ALK: variants seen among roughly 807,000 people sequenced by gnomAD.
ALK encodes ALK receptor tyrosine kinase.
A neutral mutation model predicts 163.1 loss-of-function variants in ALK; 74 were observed. The ratio of observed to expected loss-of-function variants is 0.45; its 90% CI spans 0.38 to 0.55. ALK has a LOEUF of 0.55. ALK is among the 20% of genes least tolerant of loss of function. ALK has a pLI of 0.00. For missense variants in ALK, 2,063 were observed against 2,105.3 expected, an observed-to-expected ratio of 0.98 and a Z score of 0.39; for synonymous variants, 960 against 843.2, an observed-to-expected ratio of 1.14 and a Z score of -2.40.
intron 2 of ALK, among the ~76,000 whole-genome samples, chr2:29,699,720 G>T (rs1573565905): frequency 6.6e-6 from 1 of 152,196 alleles, no homozygotes. Context: ...TAACCCAAGA[G>T]AATCTGACCA....
chr2:29,767,091 T>A (rs1207354939), intron 1 of ALK, among the ~76,000 whole-genome samples: 1 of 152,194 alleles, frequency 6.6e-6, no homozygotes, highest in African/African-American at 2.4e-5. Flanking sequence ...CCACAGCTAT[T>A]TATAACTTTT....
At chr2:29,394,162 A>T (rs913335108) in intron 4 of ALK, among the ~76,000 whole-genome samples, 1 of 152,146 alleles carries the variant, frequency 6.6e-6, no homozygotes, top group Admixed American at 6.5e-5. Flanking sequence ...AATAAAATAT[A>T]TAAGGATCTA....
chr2:29,648,326 A>G (rs879268489), intron 3 of ALK, among the ~76,000 whole-genome samples: 33 of 152,196 alleles, frequency 2.2e-4, no homozygotes, highest in African/African-American at 7.5e-4. Context: ...TTCTTTTTTT[A>G]AAAAATTGTG....
intron 1 of ALK, among the ~76,000 whole-genome samples, chr2:29,899,014 C>T (rs1244701017): frequency 1.3e-5 from 2 of 152,108 alleles, no homozygotes; most frequent in South Asian, 4.1e-4. Flanking sequence ...CTTCAGGGGC[C>T]TGGGAGATGA....
chr2:29,501,827 G>A (rs181890129), intron 4 of ALK, among the ~76,000 whole-genome samples: 16 of 152,190 alleles, frequency 1.1e-4, no homozygotes, highest in Admixed American at 6.5e-4. Flanking sequence ...TTGAAACTTC[G>A]TACCAGTTAA....
intron 5 of ALK, among the ~76,000 whole-genome samples, chr2:29,361,954 C>T (rs2148287119): frequency 6.6e-6 from 1 of 152,200 alleles, no homozygotes; most frequent in Middle Eastern, 3.4e-3. Context: ...CCTCATGAGC[C>T]ATAGCAGACC....
At chr2:29,714,101 T>C (rs375152535) in intron 2 of ALK, among the ~76,000 whole-genome samples, 9 of 152,132 alleles carry the variant, frequency 5.9e-5, no homozygotes, top group African/African-American at 1.9e-4. Flanking sequence ...AGTAGGTAGT[T>C]AGAGCCTAAT....
chr2:29,858,925 C>T (rs914506772), intron 1 of ALK, among the ~76,000 whole-genome samples: 30 of 151,808 alleles, frequency 2.0e-4, no homozygotes, highest in African/African-American at 6.5e-4. Flanking sequence ...CCCAGCTACT[C>T]AGGAGGCTGA....
Position 29,659,212 on chromosome 2 carries a change from C to T in ALK, c.952+35638G>A, listed in dbSNP as rs141777041. On this transcript the variant is annotated intron_variant, in intron 3 of 28. Coordinates refer to ENST00000389048, the MANE Select transcript of ALK (RefSeq NM_004304.5). ...TAGGGATCCTCTAAACCCACTCAAA[C>T]AAAAGCATTAGTGACTGATAGGGAG... 2.7e-4 allele frequency among the ~76,000 whole-genome samples: 41 copies of T among 152,284 alleles called. No homozygotes were observed. In the East Asian group the frequency reaches 7.4e-3, roughly 27 times the overall value.
chr2:29,457,332 A>G (rs1670980463), intron 4 of ALK, among the ~76,000 whole-genome samples: 2 of 152,246 alleles, frequency 1.3e-5, no homozygotes, highest in Middle Eastern at 3.4e-3. Context: ...AAATAAGGTG[A>G]AGAAGTAAAC....
chr2:29,591,245 TC>T (rs1449617788), intron 3 of ALK, among the ~76,000 whole-genome samples: 2 of 152,146 alleles, frequency 1.3e-5, no homozygotes, highest in East Asian at 3.9e-4. Context: ...TAAACCAATT[TC>T]ATTTATCAGG....
intron 8 of ALK, among the ~76,000 whole-genome samples, chr2:29,306,636 C>T (rs978734069): frequency 6.6e-6 from 1 of 151,464 alleles, no homozygotes; most frequent in Non-Finnish European, 1.5e-5. Flanking sequence ...ATTGTCCTTA[C>T]CAGACAATTA....
chr2:29,357,133 T>C (rs1668269222), intron 5 of ALK, among the ~76,000 whole-genome samples: 1 of 152,180 alleles, frequency 6.6e-6, no homozygotes, highest in South Asian at 2.1e-4. Context: ...GTTCTCTGTC[T>C]CCAAAATTGG....
intron 4 of ALK, among the ~76,000 whole-genome samples, chr2:29,472,868 G>GA (rs55654282): frequency 0.5 from 76,585 of 151,678 alleles, 20,374 homozygotes; most frequent in South Asian, 0.62. Flanking sequence ...AAGAAGATCT[G>GA]ATAAATGAAA....
At chr2:29,550,841 G>C (rs1673697311) in intron 3 of ALK, among the ~76,000 whole-genome samples, 1 of 152,056 alleles carries the variant, frequency 6.6e-6, no homozygotes, top group Non-Finnish European at 1.5e-5. Flanking sequence ...TTCACCACCT[G>C]CATAGGATTT....
chr2:29,199,287 C>T (rs1406357791), intron 26 of ALK, among the ~76,000 whole-genome samples: 1 of 152,092 alleles, frequency 6.6e-6, no homozygotes, highest in African/African-American at 2.4e-5. Flanking sequence ...TTTAGCATAC[C>T]AAAGAAAGAT....
chr2:29,657,419 C>T (rs998181540), intron 3 of ALK, among the ~76,000 whole-genome samples: 5 of 140,464 alleles, frequency 3.6e-5, no homozygotes, highest in Admixed American at 2.0e-4. Flanking sequence ...CTTGTTAAGA[C>T]TAAAGATGTC....
intron 4 of ALK, among the ~76,000 whole-genome samples, chr2:29,491,280 C>T (rs1204505000): frequency 2.0e-5 from 3 of 152,092 alleles, no homozygotes; most frequent in Non-Finnish European, 2.9e-5. Flanking sequence ...GACAGGTTTC[C>T]GTGGCTGATC....
intron 12 of ALK, among the ~76,000 whole-genome samples, chr2:29,248,406 T>G (rs1256652548): frequency 6.6e-6 from 1 of 152,164 alleles, no homozygotes; most frequent in Non-Finnish European, 1.5e-5. Context: ...GAAGTTGCAG[T>G]GAGCTGAGGT....
Sources: gnomAD v4.1 joint callset for allele counts (sites outside exome capture counted in the v4.1 genomes callset) on GRCh38, gnomAD v4.1.1 for gene constraint, MANE v1.5 for transcripts, NCBI Gene and HGNC (gene_info 2026-07-23, HGNC 2026-07-21) for gene names.